PTAR1: variants seen among roughly 807,000 people sequenced by gnomAD.
The protein encoded by PTAR1 is protein prenyltransferase alpha subunit repeat-containing protein 1.
A neutral mutation model predicts 45.5 loss-of-function variants in PTAR1; 17 were observed. The observed-to-expected ratio is 0.37, with a 90% CI of 0.26 to 0.56. PTAR1 has a LOEUF of 0.56. PTAR1 is among the 20% of genes least tolerant of loss of function. PTAR1 has a pLI of 0.77. For synonymous variants in PTAR1, 169 were observed against 171.3 expected (o/e 0.99, Z 0.11); for missense variants, 391 against 476.3 (o/e 0.82, Z 1.67).
rs967174488 is a variant in PTAR1 at position 69,734,698 on chromosome 9, C to T, written c.324-444G>A. On this transcript the variant is annotated intron_variant, in intron 3 of 7. Transcript: ENST00000340434. ...CTATTTCATTACAAAACCACACATACAACAAACACAATATGGTTGAGATGT... is the reference window on the plus strand; with the variant it reads ...CTATTTCATTACAAAACCACACATATAACAAACACAATATGGTTGAGATGT... Among the ~76,000 whole-genome samples, 12 of 151,882 alleles carry T rather than the reference C, an allele frequency of 7.9e-5. 1 individual carries two copies. The highest frequency in any genetic ancestry group is 6.6e-5 in the Admixed American group (1 of 15,246).
At chr9:69,737,119 G>T (rs1825823731) in intron 3 of PTAR1, among the ~76,000 whole-genome samples, 1 of 151,874 alleles carries the variant, frequency 6.6e-6, no homozygotes, top group Admixed American at 6.6e-5. Context: ...TCACTGTCTT[G>T]CCCAGGCTGG....
chr9:69,731,708 G>A (rs925123105), intron 5 of PTAR1, among the ~76,000 whole-genome samples: 4 of 152,118 alleles, frequency 2.6e-5, no homozygotes, highest in African/African-American at 9.7e-5. Context: ...AAAACACCTG[G>A]GTGAGATTGT....
At chr9:69,750,459 G>T (rs901441846) in intron 2 of PTAR1, among the ~76,000 whole-genome samples, 2 of 151,916 alleles carry the variant, frequency 1.3e-5, no homozygotes, top group African/African-American at 4.8e-5. Context: ...GTCTTCTTCA[G>T]TGACATTCAG....
At chr9:69,751,026 T>C in intron 1 of PTAR1, 76 bp from the exon 2 acceptor site, 2 of 1,046,970 alleles carry the variant, frequency 1.9e-6, no homozygotes, top group South Asian at 1.7e-5. Flanking sequence ...TTTCAGAGTA[T>C]TTTAAAAACC....
intron 4 of PTAR1, 77 bp downstream of exon 4, chr9:69,734,073 G>T: frequency 1.2e-6 from 1 of 821,216 alleles, no homozygotes; most frequent in Non-Finnish European, 2.0e-6. Context: ...AAGTAACCTT[G>T]CCTCTCACAT....
chr9:69,732,287 A>C lies in PTAR1; in HGVS notation c.494T>G (p.Leu165Trp). The C allele has an allele frequency of 6.2e-7, 1 of 1,613,922 alleles. No individual in the cohort carries two copies. The highest frequency in any genetic ancestry group is 8.5e-7 in the Non-Finnish European group (1 of 1,179,824). Reference sequence around the variant, plus strand: ...TGCCCTTTCTGTGGGAATTGTTCCCAAGTTTCCTTTGGTCACAAAGGAAGG... The same window carrying C: ...TGCCCTTTCTGTGGGAATTGTTCCCCAGTTTCCTTTGGTCACAAAGGAAGG... ...SLPSFVTKGN[L>W]GTIPTERAQR... The change falls in exon 5 of 8, where the codon TTG becomes TGG. Residue 165 changes from leucine to tryptophan, a missense_variant. Around this residue, in one of 5 missense-constraint regions of PTAR1, gnomAD observed 46 missense variants for 39.6 expected, o/e 1.16. Coordinates refer to ENST00000340434, the MANE Select transcript of PTAR1 (RefSeq NM_001099666.2).
At chr9:69,738,782 T>C (rs1825906202) in intron 3 of PTAR1, among the ~76,000 whole-genome samples, 1 of 149,894 alleles carries the variant, frequency 6.7e-6, no homozygotes, top group Non-Finnish European at 1.5e-5. Context: ...TTTTTATCTA[T>C]ATAAAAAAAA....
At chr9:69,729,601 C>T (rs1825443363) in intron 5 of PTAR1, among the ~76,000 whole-genome samples, 1 of 152,152 alleles carries the variant, frequency 6.6e-6, no homozygotes, top group Non-Finnish European at 1.5e-5. Context: ...TATGAATCCT[C>T]CCTTTCAATT....
At chr9:69,734,715 T>C (rs556379782) in intron 3 of PTAR1, among the ~76,000 whole-genome samples, 9 of 152,254 alleles carry the variant, frequency 5.9e-5, no homozygotes, top group African/African-American at 2.2e-4. Flanking sequence ...CACAATATGG[T>C]TGAGATGTAA....
At chr9:69,740,658 A>AGGG (rs1564140446) in intron 3 of PTAR1, among the ~76,000 whole-genome samples, 2 of 148,074 alleles carry the variant, frequency 1.4e-5, no homozygotes, top group South Asian at 2.1e-4. Context: ...AAAGGGGAAA[A>AGGG]AAAAAAAAAA....
In PTAR1 at chr9:69,714,004, A is replaced by G. The variant is rs961321140; in HGVS notation, c.*4338T>C. 13 of 152,114 alleles carry G rather than the reference A, an allele frequency of 8.5e-5. No homozygotes were observed. The highest frequency in any genetic ancestry group is 3.3e-4 in the Admixed American group (5 of 15,224). The allele number at this position is 152,114 out of a possible 1,614,324, so 9.4% of individuals were successfully genotyped here. A position where few individuals can be genotyped will look rare whatever the true frequency, so the allele number is the denominator to read the frequency against. The stretch of plus-strand genomic sequence containing the variant: ...TTGCTCCCAAAAAAGTAAGAAAGGC[A>G]CTCGAATTAACACAGTCTCTACAGT... On this transcript the variant is annotated 3_prime_UTR_variant, in exon 8 of 8. Coordinates refer to ENST00000340434, the MANE Select transcript of PTAR1 (RefSeq NM_001099666.2).
chr9:69,739,177 TC>T (rs368657271), intron 3 of PTAR1, among the ~76,000 whole-genome samples: 20 of 152,244 alleles, frequency 1.3e-4, no homozygotes, highest in African/African-American at 4.3e-4. Context: ...GTTTCTTAGC[TC>T]AAAATGTCAG....
intron 2 of PTAR1, among the ~76,000 whole-genome samples, chr9:69,742,414 T>C (rs955819747): frequency 1.1e-4 from 17 of 152,142 alleles, no homozygotes; most frequent in African/African-American, 3.9e-4. Flanking sequence ...CATCCTCCTA[T>C]ATTGCTAGAG....
At chr9:69,734,814 A>G (rs1375827761) in intron 3 of PTAR1, among the ~76,000 whole-genome samples, 2 of 152,204 alleles carry the variant, frequency 1.3e-5, no homozygotes, top group Admixed American at 1.3e-4. Context: ...TCCCTATCAC[A>G]CATACATTTT....
intron 2 of PTAR1, among the ~76,000 whole-genome samples, chr9:69,743,729 T>C (rs1826141178): frequency 6.6e-6 from 1 of 152,214 alleles, no homozygotes; most frequent in Admixed American, 6.5e-5. Flanking sequence ...TCCACAAATA[T>C]TCCAAGTATT....
rs1334392093 is a variant in PTAR1 at position 69,759,917 on chromosome 9, C to T, written c.22G>A (p.Val8Met). The T allele has an allele frequency of 1.3e-6, 2 of 1,521,576 alleles. No homozygotes were observed. Among genetic ancestry groups the T allele is most frequent in the Middle Eastern group, 1.7e-4 (1 of 5,844 alleles). 94.3% of individuals were successfully genotyped at this position (1,521,576 alleles called of 1,614,324 possible). Residue 8 changes from valine (V) to methionine (M), a missense_variant, in exon 1 of 8, where the codon GTG becomes ATG. By Grantham distance (21) the Val-to-Met change is conservative (BLOSUM62 1). This residue lies in a region of PTAR1 where 152 missense variants were observed against 160.0 expected (regional missense o/e 0.95). Coordinates refer to ENST00000340434, the MANE Select transcript of PTAR1 (RefSeq NM_001099666.2). ...ACAACCCGCTGCACCAGCACCGCCA[C>T]CTCCTCGCTGGTCTCGGCCATGTTG... MAETSEE[V>M]AVLVQRVVKD... is the part of the protein sequence containing the mutation.
In PTAR1 at chr9:69,757,553, C is replaced by T. The variant is rs1167891999; in HGVS notation, c.86+2300G>A. 3.3e-5 allele frequency: 5 copies of T among 152,286 alleles called. 2 individuals are homozygous for T. The highest frequency in any genetic ancestry group is 2.4e-5 in the African/African-American group (1 of 41,566). 9.4% of individuals were successfully genotyped at this position (152,286 alleles called of 1,614,324 possible). On this transcript the variant is annotated intron_variant, in intron 1 of 7. Transcript: ENST00000340434. The stretch of plus-strand genomic sequence containing the variant: ...CATCATACAGTAACAAAATCCACAT[C>T]TCACCACTGCATCCTCAACTCCTTC...
At chr9:69,751,057 T>C (rs934183530) in intron 1 of PTAR1, 107 bp from the exon 2 acceptor site, 3 of 789,992 alleles carry the variant, frequency 3.8e-6, no homozygotes, top group African/African-American at 1.8e-5. Flanking sequence ...CCCCCTTCCT[T>C]ACAAATATTA....
intron 5 of PTAR1, among the ~76,000 whole-genome samples, chr9:69,724,052 T>C (rs368640794): frequency 6.6e-6 from 1 of 152,186 alleles, no homozygotes; most frequent in East Asian, 1.9e-4. Context: ...TTAATAAATG[T>C]GTATAATATG....
Sources: gnomAD v4.1 joint callset for allele counts (sites outside exome capture counted in the v4.1 genomes callset) on GRCh38, gnomAD v4.1.1 for gene constraint, gnomAD v4.1.1 regional missense constraint, MANE v1.5 for transcripts, NCBI Gene and HGNC (gene_info 2026-07-23, HGNC 2026-07-21) for gene names.